The following LATS2 variants were observed in gnomAD, a reference collection of about 807,000 sequenced individuals.
LATS2 encodes the protein large tumor suppressor kinase 2, also known as serine/threonine-protein kinase LATS2.
In LATS2, 24 loss-of-function variants were observed where a neutral mutation model predicts 76.0. That is an observed-to-expected ratio of 0.32 (90% CI 0.23 to 0.44). The LOEUF (loss-of-function observed/expected upper bound fraction) is 0.44. Among genes scored for constraint, LATS2 ranks in the 20% least tolerant of loss-of-function variants. The pLI is 1.00. For missense variants in LATS2, 1,286 were observed against 1,481.2 expected (o/e 0.87, Z 2.16); for synonymous variants, 692 against 635.4 (o/e 1.09, Z -1.34).
chr13:20,987,390 C>A (rs772697305), intron 4 of LATS2, among the ~76,000 whole-genome samples: 5 of 152,134 alleles, frequency 3.3e-5, no homozygotes, highest in Non-Finnish European at 7.4e-5. Flanking sequence ...TTCTTCAGCA[C>A]TTCAGTGTCA....
At chr13:21,010,201 A>ACAAACAAACAAACAAAC (rs148603382) in intron 2 of LATS2, among the ~76,000 whole-genome samples, 68 of 150,726 alleles carry the variant, frequency 4.5e-4, no homozygotes, top group African/African-American at 1.5e-3. Context: ...CTCTGTCAAA[A>ACAAACAAACAAACAAAC]AAACAAACAA....
At chr13:21,018,720 C>G (rs534141440) in intron 2 of LATS2, among the ~76,000 whole-genome samples, 1 of 152,132 alleles carries the variant, frequency 6.6e-6, no homozygotes, top group African/African-American at 2.4e-5. Flanking sequence ...GTGGCTCGAT[C>G]ACGGCTGACT....
At chr13:21,032,546 G>A (rs938685222) in intron 2 of LATS2, among the ~76,000 whole-genome samples, 1 of 152,134 alleles carries the variant, frequency 6.6e-6, no homozygotes, top group Non-Finnish European at 1.5e-5. Flanking sequence ...GATTATAGGG[G>A]TGAGCCACTG....
intron 4 of LATS2, among the ~76,000 whole-genome samples, chr13:20,986,050 G>GA (rs892580550): frequency 6.6e-6 from 1 of 151,556 alleles, no homozygotes; most frequent in Non-Finnish European, 1.5e-5. Context: ...GTCTCAAAAA[G>GA]AAAAAAAAGT....
rs535655792 is a variant in LATS2, at chr13:21,037,829, T to C, written c.342+7856A>G. Among the ~76,000 whole-genome samples the C allele has an allele frequency of 5.3e-4, 78 of 148,344 alleles. 1 individual carries two copies. The South Asian group carries it at 0.016, about 31-fold the overall frequency. ...CCAGGGTGGTCAGGACCAGGGCGGG[T>C]AGGGCCAGGGTGGGCCTGCCAGCAG... On this transcript the variant is annotated intron_variant, in intron 2 of 7. Coordinates refer to ENST00000382592, the MANE Select transcript of LATS2 (RefSeq NM_014572.3).
At chr13:21,042,988 AAAAAACC>A (rs1273980506) in intron 2 of LATS2, among the ~76,000 whole-genome samples, 12 of 123,820 alleles carry the variant, frequency 9.7e-5, no homozygotes, top group African/African-American at 2.8e-4. Context: ...CGTCTCAAAA[AAAAAACC>A]AAAAAACAAA....
chr13:21,014,463 G>A (rs1871721115), intron 2 of LATS2, among the ~76,000 whole-genome samples: 1 of 152,162 alleles, frequency 6.6e-6, no homozygotes, highest in Non-Finnish European at 1.5e-5. Flanking sequence ...GCACGGCCTT[G>A]GCTAAGGAAC....
At chr13:21,022,843 AT>A (rs1872125205) in intron 2 of LATS2, among the ~76,000 whole-genome samples, 1 of 152,162 alleles carries the variant, frequency 6.6e-6, no homozygotes, top group Non-Finnish European at 1.5e-5. Context: ...TCATAAAGGG[AT>A]TTTGCAGATT....
intron 2 of LATS2, among the ~76,000 whole-genome samples, chr13:21,032,405 T>C (rs1872558157): frequency 6.6e-6 from 1 of 152,030 alleles, no homozygotes; most frequent in African/African-American, 2.4e-5. Flanking sequence ...GTAGCTGGGA[T>C]TATGGCGCCC....
At position 21,007,644 on chromosome 13, in the gene LATS2, AGT is replaced by A. The variant is rs1158241947; in HGVS notation, c.343-16242_343-16241del. ...ATAGTGTATATATATATATATATAT[AGT>A]GTGTGTATATATATATAGTGTGTAT... On this transcript the variant is annotated intron_variant, in intron 2 of 7. Transcript: ENST00000382592. Among the ~76,000 whole-genome samples the A allele has an allele frequency of 0.055, 26 of 474 alleles. 6 individuals are homozygous for A. The East Asian group carries it at 0.75, about 14-fold the overall frequency. 0.3% of individuals were successfully genotyped at this position (474 alleles called of 152,430 possible). A position where few individuals can be genotyped will look rare whatever the true frequency, so the allele number is the denominator to read the frequency against.
Position 20,981,352 on chromosome 13 carries a change from G to C in LATS2, c.2665+114C>G. On this transcript the variant is annotated intron_variant, in intron 6 of 7. Coordinates refer to ENST00000382592, the MANE Select transcript of LATS2 (RefSeq NM_014572.3). ...TTAGTAGCTTTCAGGCTTCTATGAG[G>C]ACAAAAATATGACTGGAAGCATTAG... 3 of 967,206 alleles carry C rather than the reference G, an allele frequency of 3.1e-6. No individual in the cohort carries two copies. In the South Asian group the frequency reaches 5.0e-5, roughly 16 times the overall value. 59.9% of individuals were successfully genotyped at this position (967,206 alleles called of 1,614,324 possible).
chr13:20,985,502 G>A (rs1353224872), intron 4 of LATS2, among the ~76,000 whole-genome samples: 1 of 152,196 alleles, frequency 6.6e-6, no homozygotes, highest in Admixed American at 6.5e-5. Context: ...ACTTTGGGAG[G>A]CTGAGGCAGG....
chr13:21,007,704 G>A (rs55913956), intron 2 of LATS2, among the ~76,000 whole-genome samples: 2,061 of 2,474 alleles, frequency 0.83, 979 homozygotes, highest in Non-Finnish European at 0.97. Flanking sequence ...TATATAGTAT[G>A]TATATATATA....
At chr13:21,012,380 T>A (rs1440671971) in intron 2 of LATS2, among the ~76,000 whole-genome samples, 2 of 152,130 alleles carry the variant, frequency 1.3e-5, no homozygotes, top group African/African-American at 4.8e-5. Context: ...TACACCAACA[T>A]AAACCACACA....
In LATS2 at chr13:21,056,258, C is replaced by A. The variant is rs191947180; in HGVS notation, c.-205+5088G>T. Among the ~76,000 whole-genome samples the A allele has an allele frequency of 2.7e-3, 418 of 152,006 alleles. 3 individuals are homozygous for A. Among genetic ancestry groups the A allele is most frequent in the Non-Finnish European group, 5.0e-3 (337 of 67,990 alleles). On this transcript the variant is annotated intron_variant, in intron 1 of 7. Coordinates refer to ENST00000382592, the MANE Select transcript of LATS2 (RefSeq NM_014572.3). ...TTCGCCATGTCACCCAAGCTCGTCTCGAATTCCTGGACTCAAGTGATCCCC... is the reference window on the plus strand; with the variant it reads ...TTCGCCATGTCACCCAAGCTCGTCTAGAATTCCTGGACTCAAGTGATCCCC...
intron 2 of LATS2, among the ~76,000 whole-genome samples, chr13:21,044,918 G>A (rs1873011004): frequency 6.6e-6 from 1 of 152,064 alleles, no homozygotes; most frequent in Admixed American, 6.6e-5. Flanking sequence ...TAGAGATGGG[G>A]AGTCTCGCTA....
chr13:20,975,980 C>T (rs1869605296), intron 7 of LATS2, among the ~76,000 whole-genome samples: 1 of 152,216 alleles, frequency 6.6e-6, no homozygotes, highest in African/African-American at 2.4e-5. Flanking sequence ...CATCATGACG[C>T]TCATTCAAAT....
At position 20,988,547 on chromosome 13, in the gene LATS2, G is replaced by C. The variant is rs1327045708; in HGVS notation, c.1233C>G (p.Ser411Arg). Reference protein sequence around the residue: ...PVPSRTNSFNSHQPRPGPPGK... With the variant: ...PVPSRTNSFNRHQPRPGPPGK... ...CAGGCGGACCGGGCCGCGGCTGGTG[G>C]CTGTTGAAGGAGTTGGTCCTGCTGG... Residue 411 changes from serine to arginine, a missense_variant, in exon 4 of 8, where the codon AGC (serine) becomes AGG (arginine). Ser to Arg is a moderately radical substitution (Grantham distance 110). This residue lies in a region of LATS2 where 710 missense variants were observed against 660.9 expected (regional missense o/e 1.07). Transcript: ENST00000382592. 1 of 1,580,922 alleles carries C rather than the reference G, an allele frequency of 6.3e-7. No individual in the cohort carries two copies. The highest frequency in any genetic ancestry group is 8.5e-7 in the Non-Finnish European group (1 of 1,172,158).
intron 2 of LATS2, among the ~76,000 whole-genome samples, chr13:21,017,281 C>T (rs1871839182): frequency 1.3e-5 from 2 of 152,172 alleles, no homozygotes; most frequent in Non-Finnish European, 2.9e-5. Flanking sequence ...TGTACTATGA[C>T]TCACAATTTC....
Sources: allele counts gnomAD v4.1 joint callset (sites outside exome capture counted in the v4.1 genomes callset), GRCh38; gene constraint gnomAD v4.1.1; regional missense constraint gnomAD v4.1.1; transcripts MANE v1.5; gene names NCBI Gene and HGNC (gene_info 2026-07-23, HGNC 2026-07-21).